Variants in FHIP1A observed in about 807,000 individuals in gnomAD.
The protein encoded by FHIP1A is FHF complex subunit HOOK-interacting protein 1A.
Under a neutral mutation model 88.6 loss-of-function variants are expected in FHIP1A, and 61 were observed. That is an observed-to-expected ratio of 0.69 (90% CI 0.56 to 0.85). The LOEUF (loss-of-function observed/expected upper bound fraction) is 0.85, where lower values mean the gene tolerates loss of function less well. Ranked by LOEUF, FHIP1A falls within the 40% of genes least tolerant of loss-of-function variation. FHIP1A has a pLI of 0.00. For synonymous variants in FHIP1A, 478 were observed against 496.0 expected (o/e 0.96, Z 0.48); for missense variants, 1,154 against 1,273.5 (o/e 0.91, Z 1.43).
intron 8 of FHIP1A, among the ~76,000 whole-genome samples, chr4:151,636,077 A>C (rs72730110): frequency 9.9e-5 from 15 of 152,094 alleles, no homozygotes; most frequent in Non-Finnish European, 2.1e-4. Context: ...TTCTCAATAA[A>C]ACACTAGCAA....
intron 3 of FHIP1A, among the ~76,000 whole-genome samples, chr4:151,523,927 C>T (rs1731537469): frequency 6.6e-6 from 1 of 152,158 alleles, no homozygotes; most frequent in African/African-American, 2.4e-5. Flanking sequence ...CAAGTTCTAC[C>T]TCTGCTGTGA....
intron 3 of FHIP1A, among the ~76,000 whole-genome samples, chr4:151,562,820 G>C (rs1376473437): frequency 1.3e-5 from 2 of 152,032 alleles, no homozygotes; most frequent in African/African-American, 4.8e-5. Flanking sequence ...TCTGAAGTTG[G>C]GTAAGATGTC....
intron 1 of FHIP1A, among the ~76,000 whole-genome samples, chr4:151,447,506 C>G (rs1409324400): frequency 6.6e-6 from 1 of 152,156 alleles, no homozygotes; most frequent in East Asian, 1.9e-4. Flanking sequence ...CATACTTTTC[C>G]TGACTTAGAA....
chr4:151,628,034 A>C (rs776351014), intron 7 of FHIP1A, among the ~76,000 whole-genome samples: 31 of 152,272 alleles, frequency 2.0e-4, no homozygotes, highest in Non-Finnish European at 3.5e-4. Flanking sequence ...AGACCATGAA[A>C]AGCACTCTTC....
intron 11 of FHIP1A, among the ~76,000 whole-genome samples, chr4:151,652,789 T>C (rs766211340): frequency 6.6e-6 from 1 of 152,158 alleles, no homozygotes; most frequent in Non-Finnish European, 1.5e-5. Context: ...CTGAAGAGCC[T>C]GCCAGCCTGT....
intron 3 of FHIP1A, among the ~76,000 whole-genome samples, chr4:151,551,072 G>A (rs1732710964): frequency 6.6e-6 from 1 of 152,186 alleles, no homozygotes; most frequent in African/African-American, 2.4e-5. Flanking sequence ...AGGGCTGACA[G>A]CCCACAGCAC....
chr4:151,579,513 GT>G (rs1733944286), intron 5 of FHIP1A, among the ~76,000 whole-genome samples: 2 of 152,200 alleles, frequency 1.3e-5, no homozygotes, highest in African/African-American at 4.8e-5. Context: ...TAATTCTGCT[GT>G]TAAAGGAGAG....
chr4:151,568,686 CA>C (rs1366078119), intron 4 of FHIP1A, among the ~76,000 whole-genome samples: 1 of 152,020 alleles, frequency 6.6e-6, no homozygotes, highest in African/African-American at 2.4e-5. Flanking sequence ...TACATTATTA[CA>C]AAATGAATAA....
intron 1 of FHIP1A, among the ~76,000 whole-genome samples, chr4:151,447,330 T>A (rs1728644237): frequency 6.6e-6 from 1 of 152,226 alleles, no homozygotes; most frequent in East Asian, 1.9e-4. Context: ...TGGTTGGTCC[T>A]TCTCATGACT....
chr4:151,586,620 T>C, intron 5 of FHIP1A, 21 bp from the exon 6 acceptor site: 1 of 1,524,858 alleles, frequency 6.6e-7, no homozygotes. Context: ...GCATTTATTT[T>C]GTTTTTATTT....
intron 11 of FHIP1A, among the ~76,000 whole-genome samples, chr4:151,655,032 T>C (rs1429809071): frequency 3.3e-5 from 5 of 152,196 alleles, no homozygotes; most frequent in African/African-American, 1.2e-4. Context: ...ACACAGAGCT[T>C]CTGTTCCTTG....
At chr4:151,540,069 C>T (rs547591400) in intron 3 of FHIP1A, among the ~76,000 whole-genome samples, 2 of 152,272 alleles carry the variant, frequency 1.3e-5, no homozygotes, top group East Asian at 3.9e-4. Context: ...AATCAGCAGA[C>T]CTGTACTTAA....
At chr4:151,495,130 G>C (rs902701363) in intron 3 of FHIP1A, among the ~76,000 whole-genome samples, 44 of 152,286 alleles carry the variant, frequency 2.9e-4, no homozygotes, top group African/African-American at 8.9e-4. Context: ...TGCAAACAGA[G>C]ATAGTTTGAC....
chr4:151,493,005 GAAAC>G (rs938296105), intron 3 of FHIP1A, among the ~76,000 whole-genome samples: 6 of 151,858 alleles, frequency 4.0e-5, no homozygotes, highest in Non-Finnish European at 7.4e-5. Context: ...AAATAAAACT[GAAAC>G]AAACACAAAG....
intron 3 of FHIP1A, among the ~76,000 whole-genome samples, chr4:151,522,949 G>A (rs1731498316): frequency 6.6e-6 from 1 of 152,112 alleles, no homozygotes; most frequent in Non-Finnish European, 1.5e-5. Flanking sequence ...GCTGTCAGGG[G>A]TTTGTGATTT....
chr4:151,557,954 A>G (rs1416901415), intron 3 of FHIP1A, among the ~76,000 whole-genome samples: 1 of 152,174 alleles, frequency 6.6e-6, no homozygotes, highest in African/African-American at 2.4e-5. Flanking sequence ...ATGTTGTTCT[A>G]TATATAAGGG....
intron 2 of FHIP1A, among the ~76,000 whole-genome samples, chr4:151,469,873 G>A (rs1729450022): frequency 1.3e-5 from 2 of 152,150 alleles, no homozygotes; most frequent in African/African-American, 4.8e-5. Context: ...TTGCCAGCTG[G>A]TGGCATCACC....
At chr4:151,645,687 G>C (rs1431373308) in intron 9 of FHIP1A, among the ~76,000 whole-genome samples, 1 of 151,254 alleles carries the variant, frequency 6.6e-6, no homozygotes, top group Non-Finnish European at 1.5e-5. Context: ...CTGGCTATAA[G>C]TTCTTTATCC....
At chr4:151,472,139 A>G (rs1729537184) in intron 2 of FHIP1A, among the ~76,000 whole-genome samples, 1 of 152,138 alleles carries the variant, frequency 6.6e-6, no homozygotes, top group Admixed American at 6.6e-5. Flanking sequence ...ATGTAGGGTT[A>G]AGAAATACAT....
Sources: allele counts gnomAD v4.1 joint callset (sites outside exome capture counted in the v4.1 genomes callset), GRCh38; gene constraint gnomAD v4.1.1; transcripts MANE v1.5; gene names NCBI Gene and HGNC (gene_info 2026-07-23, HGNC 2026-07-21).